USH2A: variants seen among roughly 807,000 people sequenced by gnomAD.
The protein encoded by USH2A is Usher syndrome 2A (autosomal recessive, mild).
In USH2A, 443 loss-of-function variants were observed where a neutral mutation model predicts 538.9. The ratio of observed to expected loss-of-function variants is 0.82; its 90% CI spans 0.76 to 0.89. USH2A has a LOEUF of 0.89. Ranked by LOEUF, USH2A falls within the 40% of genes least tolerant of loss-of-function variation. The probability of loss-of-function intolerance (pLI) is 0.00; values close to 1 mark genes in which losing one functional copy is unlikely to be tolerated. For synonymous variants in USH2A, 2,413 were observed against 2,273.5 expected, an observed-to-expected ratio of 1.06 and a Z score of -1.75; for missense variants, 6,633 against 6,324.8, an observed-to-expected ratio of 1.05 and a Z score of -1.65.
rs1010544388 is a variant in USH2A, at chr1:216,004,014, G to A, written c.6326-3452C>T. On this transcript the variant is annotated intron_variant, in intron 32 of 71. Coordinates refer to ENST00000307340, the MANE Select transcript of USH2A (RefSeq NM_206933.4). ...TCCCAGTGCATTGTAGGTAGAGTAT[G>A]AAAGAGAAGACCCAGAGTTGACTCC... 3.9e-5 allele frequency among the ~76,000 whole-genome samples: 6 copies of A among 152,148 alleles called. No individual in the cohort carries two copies. In the East Asian group the frequency reaches 1.2e-3, roughly 29 times the overall value.
chr1:215,697,841 A>G (rs935084845), intron 61 of USH2A, among the ~76,000 whole-genome samples: 12 of 152,062 alleles, frequency 7.9e-5, no homozygotes, highest in African/African-American at 2.4e-4. Flanking sequence ...TTATTTTTTA[A>G]TTACACTTTA....
intron 34 of USH2A, among the ~76,000 whole-genome samples, chr1:215,997,516 T>C (rs540571457): frequency 3.3e-4 from 50 of 152,256 alleles, no homozygotes; most frequent in African/African-American, 1.2e-3. Flanking sequence ...AAATCTGAAT[T>C]AATACTCAGG....
At chr1:216,054,701 C>T (rs112734627) in intron 30 of USH2A, among the ~76,000 whole-genome samples, 11 of 152,002 alleles carry the variant, frequency 7.2e-5, no homozygotes, top group African/African-American at 1.9e-4. Flanking sequence ...GGTGTTTGGC[C>T]GGCATCCACT....
Position 215,970,726 on chromosome 1 carries a change from A to G in USH2A, c.6856T>C (p.Ser2286Pro). 1 of 1,613,658 alleles carries G rather than the reference A, an allele frequency of 6.2e-7. No homozygotes were observed. The highest frequency in any genetic ancestry group is 8.5e-7 in the Non-Finnish European group (1 of 1,179,698). Reference protein sequence around the residue: ...LYLDGILIHNSSELSYRAYGF... With the variant: ...LYLDGILIHNPSELSYRAYGF... ...TAAGCACGATAGCTGAGTTCTGAGGAATTGTGGATTAATATACCATCTAGA... is the reference window on the plus strand; with the variant it reads ...TAAGCACGATAGCTGAGTTCTGAGGGATTGTGGATTAATATACCATCTAGA... The change falls in exon 36 of 72, where the codon TCC becomes CCC. Residue 2286 changes from serine (S) to proline (P), a missense_variant. Ser to Pro is a moderately conservative substitution (Grantham distance 74). Coordinates refer to ENST00000307340, the MANE Select transcript of USH2A (RefSeq NM_206933.4).
intron 27 of USH2A, among the ~76,000 whole-genome samples, chr1:216,077,887 G>A (rs549835636): frequency 6.6e-6 from 1 of 151,828 alleles, no homozygotes; most frequent in East Asian, 1.9e-4. Flanking sequence ...ATAAATGATG[G>A]CACATTGTTA....
intron 55 of USH2A, among the ~76,000 whole-genome samples, chr1:215,775,558 G>A (rs1367567041): frequency 4.6e-5 from 7 of 152,174 alleles, no homozygotes; most frequent in Non-Finnish European, 8.8e-5. Flanking sequence ...ATTACTAAGT[G>A]TGGAACAGAG....
chr1:216,294,781 A>G (rs1320747239), intron 9 of USH2A, among the ~76,000 whole-genome samples: 1 of 151,928 alleles, frequency 6.6e-6, no homozygotes, highest in African/African-American at 2.4e-5. Flanking sequence ...TATGTCAATT[A>G]CTGTTTTAGT....
At chr1:215,630,482 G>GCATATATA (rs1656234724) in intron 70 of USH2A, among the ~76,000 whole-genome samples, 1 of 22,552 alleles carries the variant, frequency 4.4e-5, no homozygotes, top group Non-Finnish European at 1.5e-4. Flanking sequence ...ATGTGTGTGT[G>GCATATATA]TATATATATA....
intron 21 of USH2A, among the ~76,000 whole-genome samples, chr1:216,102,196 T>C (rs936664351): frequency 6.6e-6 from 1 of 150,576 alleles, no homozygotes; most frequent in African/African-American, 2.4e-5. Context: ...AAAAAAAATA[T>C]GAAAAAGATG....
chr1:215,917,940 G>T (rs1013807476), intron 38 of USH2A, among the ~76,000 whole-genome samples: 22 of 152,102 alleles, frequency 1.4e-4, no homozygotes, highest in South Asian at 6.2e-4. Context: ...TCTAGCCAGG[G>T]TGTCAAAGTG....
At position 216,418,538 on chromosome 1, in the gene USH2A, C is replaced by T. The variant is rs146402815; in HGVS notation, c.627G>A (p.Lys209=). ...KVMTLGRILV[K]KWIHLSVQVH... is the part of the protein sequence containing the mutation. ...CCTGCACACTAAGATGAATCCATTT[C>T]TTCACAAGAATTCTCCCCAGTGTCA... The change falls in exon 3 of 72, where the codon AAG becomes AAA. Residue 209 remains lysine (K), a synonymous_variant. Coordinates refer to ENST00000307340, the MANE Select transcript of USH2A (RefSeq NM_206933.4). 3 of 1,613,060 alleles carry T rather than the reference C, an allele frequency of 1.9e-6. No individual in the cohort carries two copies. The African/African-American group carries it at 4.0e-5, about 22-fold the overall frequency.
At chr1:216,338,334 A>G (rs975686766) in intron 4 of USH2A, among the ~76,000 whole-genome samples, 2 of 151,604 alleles carry the variant, frequency 1.3e-5, no homozygotes, top group East Asian at 3.9e-4. Flanking sequence ...CTTGAGATAC[A>G]GTAGAGGTGG....
chr1:215,679,427 G>A (rs948137389), intron 62 of USH2A, among the ~76,000 whole-genome samples: 29 of 152,142 alleles, frequency 1.9e-4, no homozygotes, highest in Admixed American at 1.8e-3. Context: ...GATGGACCAC[G>A]GCCAGGAGAG....
At chr1:216,252,391 T>C (rs1057155306) in intron 11 of USH2A, among the ~76,000 whole-genome samples, 7 of 152,336 alleles carry the variant, frequency 4.6e-5, no homozygotes, top group South Asian at 2.1e-4. Flanking sequence ...AGAGTTACCA[T>C]AGAGGGAAGT....
chr1:216,240,682 C>A (rs2035921139), intron 13 of USH2A, among the ~76,000 whole-genome samples: 1 of 152,064 alleles, frequency 6.6e-6, no homozygotes, highest in South Asian at 2.1e-4. Context: ...AAAGACACTT[C>A]AGATATTCAA....
chr1:216,358,464 C>T (rs17026594), intron 4 of USH2A, among the ~76,000 whole-genome samples: 3,986 of 151,976 alleles, frequency 0.026, 202 homozygotes, highest in African/African-American at 0.091. Context: ...AGGACAGTGA[C>T]TTAATTTTTT....
At chr1:216,278,356 T>C (rs1558359623) in intron 11 of USH2A, among the ~76,000 whole-genome samples, 1 of 152,196 alleles carries the variant, frequency 6.6e-6, no homozygotes, top group Non-Finnish European at 1.5e-5. Flanking sequence ...GATTCTTGGA[T>C]AACTCCCTCA....
chr1:215,622,988 A>G lies in USH2A; in HGVS notation c.*2793T>C, dbSNP rs1400474044. 1 of 142,466 alleles carries G rather than the reference A, an allele frequency of 7.0e-6. No homozygotes were observed. Among genetic ancestry groups the G allele is most frequent in the East Asian group, 2.0e-4 (1 of 4,900 alleles). 8.8% of individuals were successfully genotyped at this position (142,466 alleles called of 1,614,324 possible). On this transcript the variant is annotated 3_prime_UTR_variant, in exon 72 of 72. Coordinates refer to ENST00000307340, the MANE Select transcript of USH2A (RefSeq NM_206933.4). ...CCAACTATTCATTTGTGACATAATT[A>G]AAAGTTCCTTATTAATGAATTCTTC...
chr1:216,327,188 C>T (rs2037750839), intron 5 of USH2A, among the ~76,000 whole-genome samples: 1 of 152,100 alleles, frequency 6.6e-6, no homozygotes, highest in African/African-American at 2.4e-5. Context: ...AATAATTAAT[C>T]ACGTTTATTG....
Sources: gnomAD v4.1 joint callset for allele counts (sites outside exome capture counted in the v4.1 genomes callset) on GRCh38, gnomAD v4.1.1 for gene constraint, MANE v1.5 for transcripts, NCBI Gene and HGNC (gene_info 2026-07-23, HGNC 2026-07-21) for gene names.